Variants in SP110 observed in about 807,000 individuals in gnomAD.
SP110 encodes the protein SP110 nuclear body protein.
A neutral mutation model predicts 92.7 loss-of-function variants in SP110; 62 were observed. The observed-to-expected ratio is 0.67, with a 90% CI of 0.55 to 0.83. The LOEUF (loss-of-function observed/expected upper bound fraction) is 0.83, where lower values mean the gene tolerates loss of function less well. Among genes scored for constraint, SP110 ranks in the 40% least tolerant of loss-of-function variants. The pLI, the probability that SP110 is intolerant of heterozygous loss-of-function variation, is 0.00. For synonymous variants in SP110, 273 were observed against 305.3 expected (o/e 0.89, Z 1.10); for missense variants, 793 against 863.9 (o/e 0.92, Z 1.03).
intron 8 of SP110, among the ~76,000 whole-genome samples, chr2:230,205,013 G>A (rs2043608073): frequency 6.6e-6 from 1 of 152,184 alleles, no homozygotes. Context: ...AGTTAGACTG[G>A]ATAGAACTTT....
At chr2:230,183,124 G>A (rs2042200984) in intron 12 of SP110, among the ~76,000 whole-genome samples, 2 of 152,292 alleles carry the variant, frequency 1.3e-5, no homozygotes, top group South Asian at 2.1e-4. Flanking sequence ...AAGAAGAGGA[G>A]TGGGAGGGAG....
intron 8 of SP110, 57 bp from the exon 9 acceptor site, chr2:230,202,785 A>G: frequency 6.4e-7 from 1 of 1,560,626 alleles, no homozygotes; most frequent in Non-Finnish European, 8.8e-7. Flanking sequence ...TGAGCCTCCT[A>G]CAGTCCCAAT....
At chr2:230,202,508 T>C in intron 9 of SP110, 71 bp downstream of exon 9, 1 of 1,465,646 alleles carries the variant, frequency 6.8e-7, no homozygotes, top group African/African-American at 1.4e-5. Context: ...TCTACTTAAC[T>C]CTGTACCTGC....
intron 12 of SP110, 65 bp from the exon 13 acceptor site, chr2:230,178,320 C>T: frequency 1.1e-6 from 1 of 928,454 alleles, no homozygotes; most frequent in Non-Finnish European, 1.7e-6. Flanking sequence ...TTGAATTCTC[C>T]CCTCCATGAA....
At chr2:230,214,493 C>T (rs2044873378) in intron 3 of SP110, among the ~76,000 whole-genome samples, 1 of 152,144 alleles carries the variant, frequency 6.6e-6, no homozygotes, top group African/African-American at 2.4e-5. Flanking sequence ...TTAAAAATGA[C>T]TTCAAAGGGT....
intron 10 of SP110, among the ~76,000 whole-genome samples, chr2:230,188,588 A>AT (rs2042467205): frequency 6.6e-6 from 1 of 151,934 alleles, no homozygotes; most frequent in South Asian, 2.1e-4. Flanking sequence ...AATGCATTAG[A>AT]TTTTTTCCCA....
At chr2:230,172,690 A>T in intron 15 of SP110, 154 bp downstream of exon 15, 1 of 629,576 alleles carries the variant, frequency 1.6e-6, no homozygotes. Context: ...TGGGGCCAAG[A>T]GGCTCACTGG....
At chr2:230,224,073 A>T (rs1035738206), upstream of SP110, among the ~76,000 whole-genome samples, 4 of 152,208 alleles carry the variant, frequency 2.6e-5, no homozygotes, top group Non-Finnish European at 5.9e-5. Context: ...AGATAGTGGG[A>T]AATAGAACTG....
At chr2:230,202,891 C>A (rs2043321339) in intron 8 of SP110, 163 bp from the exon 9 acceptor site, 3 of 696,080 alleles carry the variant, frequency 4.3e-6, no homozygotes, top group African/African-American at 1.8e-5. Context: ...ATAATTATAT[C>A]CTTCTTCTTA....
chr2:230,192,337 G>A (rs926923607), intron 10 of SP110, among the ~76,000 whole-genome samples: 3 of 152,158 alleles, frequency 2.0e-5, no homozygotes, highest in Non-Finnish European at 4.4e-5. Context: ...AAGAGAGGAA[G>A]TCAAGTTGTT....
chr2:230,206,013 C>T (rs570092404), intron 8 of SP110, among the ~76,000 whole-genome samples: 2 of 152,262 alleles, frequency 1.3e-5, no homozygotes, highest in African/African-American at 4.8e-5. Flanking sequence ...AGCAGCTTGT[C>T]TCTCCTTCCT....
chr2:230,198,653 G>A (rs538494903), intron 10 of SP110, among the ~76,000 whole-genome samples: 41 of 152,198 alleles, frequency 2.7e-4, no homozygotes, highest in African/African-American at 9.6e-4. Flanking sequence ...GGAGTGCAGT[G>A]GCATGATCTT....
chr2:230,192,584 G>A (rs1197374596), intron 10 of SP110, among the ~76,000 whole-genome samples: 1 of 152,112 alleles, frequency 6.6e-6, no homozygotes, highest in Non-Finnish European at 1.5e-5. Context: ...CAGAGGATGG[G>A]AAGGACCTCT....
chr2:230,223,894 C>A (rs996166500), upstream of SP110, among the ~76,000 whole-genome samples: 30 of 152,160 alleles, frequency 2.0e-4, no homozygotes, highest in African/African-American at 7.2e-4. Flanking sequence ...TGGCCTAAAT[C>A]TGGATGGGGG....
chr2:230,224,228 G>A (rs2046055842), upstream of SP110, among the ~76,000 whole-genome samples: 1 of 152,204 alleles, frequency 6.6e-6, no homozygotes, highest in South Asian at 2.1e-4. Context: ...AGCAAAAGAA[G>A]CTGGCACATT....
chr2:230,205,276 T>G (rs1056212980), intron 8 of SP110, among the ~76,000 whole-genome samples: 3 of 152,150 alleles, frequency 2.0e-5, no homozygotes, highest in African/African-American at 7.2e-5. Context: ...AAACCCTACA[T>G]AATCTGATTC....
rs1030589721 is a variant in SP110, at chr2:230,178,006, A to G, written c.1447+151T>C. 5.7e-6 allele frequency: 4 copies of G among 699,330 alleles called. No individual in the cohort carries two copies. In the African/African-American group the frequency reaches 7.1e-5, roughly 12 times the overall value. The allele number at this position is 699,330 out of a possible 1,614,324, so 43.3% of individuals were successfully genotyped here. A position where few individuals can be genotyped will look rare whatever the true frequency, so the allele number is the denominator to read the frequency against. Reference sequence around the variant, plus strand: ...ATTGCCAGAAATACCATGATGTGGAAGAGTTTGGAAATTCCTTCCTAAGAA... The same window carrying G: ...ATTGCCAGAAATACCATGATGTGGAGGAGTTTGGAAATTCCTTCCTAAGAA... On this transcript the variant is annotated intron_variant, in intron 13 of 18. Coordinates refer to ENST00000258381, the MANE Select transcript of SP110 (RefSeq NM_080424.4).
intron 10 of SP110, among the ~76,000 whole-genome samples, chr2:230,193,494 A>G (rs1292905878): frequency 6.6e-6 from 1 of 152,166 alleles, no homozygotes; most frequent in African/African-American, 2.4e-5. Context: ...GGTGCATATC[A>G]ATCTTTCGTT....
Position 230,214,971 on chromosome 2 carries a change from T to A in SP110, c.295A>T (p.Ile99Phe), listed in dbSNP as rs1230619513. 1 of 1,613,948 alleles carries A rather than the reference T, an allele frequency of 6.2e-7. No homozygotes were observed. The change falls in exon 3 of 19, where the codon ATT (isoleucine) becomes TTT (phenylalanine). Residue 99 changes from isoleucine to phenylalanine, a missense_variant. Transcript: ENST00000258381. ...TTACCACGTTTGAAGCTTCTGTAAA[T>A]CGTCACCAGATTGGGATATTCACGC... ...NLREYPNLVT[I>F]YRSFKRVGAS...
Sources: gnomAD v4.1 joint callset for allele counts (sites outside exome capture counted in the v4.1 genomes callset) on GRCh38, gnomAD v4.1.1 for gene constraint, MANE v1.5 for transcripts, NCBI Gene and HGNC (gene_info 2026-07-23, HGNC 2026-07-21) for gene names.